NDE1: variants seen among roughly 807,000 people sequenced by gnomAD.
NDE1 encodes nuclear distribution protein nudE homolog 1.
Under a neutral mutation model 43.4 loss-of-function variants are expected in NDE1, and 28 were observed. The observed-to-expected ratio is 0.65, with a 90% CI of 0.48 to 0.89. The LOEUF is 0.89. NDE1 is among the 40% of genes least tolerant of loss of function. NDE1 has a pLI of 0.00. For missense variants in NDE1, 441 were observed against 434.1 expected, an observed-to-expected ratio of 1.02 and a Z score of -0.14; for synonymous variants, 184 against 172.0, an observed-to-expected ratio of 1.07 and a Z score of -0.55.
intron 1 of NDE1, 80 bp from the exon 2 acceptor site, chr16:15,664,656 A>G (rs2037211067): frequency 5.0e-6 from 4 of 792,598 alleles, no homozygotes; most frequent in African/African-American, 1.8e-5. Flanking sequence ...CGCCTGGCCA[A>G]GTTTTTTTTT....
intron 8 of NDE1, chr16:15,699,762 T>A (rs1567663581): frequency 7.4e-7 from 1 of 1,351,600 alleles, no homozygotes; most frequent in South Asian, 1.1e-5. Flanking sequence ...GGAAGCCGCC[T>A]TCACACATGT....
At chr16:15,722,317 G>A (rs895813344) in intron 8 of NDE1, among the ~76,000 whole-genome samples, 1 of 152,228 alleles carries the variant, frequency 6.6e-6, no homozygotes, top group Non-Finnish European at 1.5e-5. Flanking sequence ...GCCTCAGTAG[G>A]GAAATGGTAA....
chr16:15,687,296 T>A, intron 4 of NDE1, 79 bp from the exon 5 acceptor site: 1 of 1,609,278 alleles, frequency 6.2e-7, no homozygotes, highest in Admixed American at 1.7e-5. Flanking sequence ...TGTCTGACCC[T>A]TCGCACCTCC....
At chr16:15,675,463 GT>G (rs2037820299) in intron 3 of NDE1, among the ~76,000 whole-genome samples, 3 of 150,220 alleles carry the variant, frequency 2.0e-5, no homozygotes, top group Admixed American at 6.7e-5. Context: ...AAGTGTCGTG[GT>G]CTCACTCTGT....
chr16:15,723,248 T>A (rs1047409524), intron 8 of NDE1, among the ~76,000 whole-genome samples: 4 of 152,186 alleles, frequency 2.6e-5, no homozygotes, highest in African/African-American at 9.7e-5. Context: ...AAACTCTAAT[T>A]AATATGCAAT....
chr16:15,697,352 ATTT>A (rs2039061917), intron 8 of NDE1, among the ~76,000 whole-genome samples: 1 of 152,106 alleles, frequency 6.6e-6, no homozygotes, highest in Non-Finnish European at 1.5e-5. Flanking sequence ...CAAGAAGGTC[ATTT>A]TTATCATTTG....
chr16:15,662,500 G>T (rs535798577), intron 1 of NDE1, among the ~76,000 whole-genome samples: 2 of 150,522 alleles, frequency 1.3e-5, no homozygotes, highest in African/African-American at 2.4e-5. Context: ...AGACAGGATG[G>T]TCTCAATCTC....
At chr16:15,706,554 T>G (rs2039467205) in intron 8 of NDE1, among the ~76,000 whole-genome samples, 1 of 151,970 alleles carries the variant, frequency 6.6e-6, no homozygotes, top group African/African-American at 2.4e-5. Flanking sequence ...CTAAATATAC[T>G]AAATTAGCCG....
intron 1 of NDE1, among the ~76,000 whole-genome samples, chr16:15,661,545 G>A (rs1318941930): frequency 6.6e-6 from 1 of 150,968 alleles, no homozygotes; most frequent in East Asian, 2.0e-4. Flanking sequence ...CTGCAGCCTC[G>A]ACCTCTCCTT....
Position 15,725,146 on chromosome 16 carries a change from AAAAC to A in NDE1, c.*897_*900del. 3.8e-5 allele frequency: 25 copies of A among 661,066 alleles called. No individual in the cohort carries two copies. The highest frequency in any genetic ancestry group is 2.6e-4 in the African/African-American group (14 of 54,018). 41.0% of individuals were successfully genotyped at this position (661,066 alleles called of 1,614,324 possible). A position where few individuals can be genotyped will look rare whatever the true frequency, so the allele number is the denominator to read the frequency against. Reference sequence around the variant, plus strand: ...TATGGGACTCTGATAAAAAAAAAAAAAAACACACACACACACAAAAAAAACAGAA... The same window carrying A: ...TATGGGACTCTGATAAAAAAAAAAAAACACACACACACAAAAAAAACAGAA... On this transcript the variant is annotated 3_prime_UTR_variant, in exon 9 of 9. Coordinates refer to ENST00000396354, the MANE Select transcript of NDE1 (RefSeq NM_017668.3).
At position 15,667,450 on chromosome 16, in the gene NDE1, G is replaced by A; in HGVS notation, c.237+11G>A. ...CTGGAAACCATCAAGGTGAGGGGCT[G>A]AGAGGAAGTGTGCTCAGGTGTAGAC... On this transcript the variant is annotated intron_variant, in intron 3 of 8. Coordinates refer to ENST00000396354, the MANE Select transcript of NDE1 (RefSeq NM_017668.3). The A allele has an allele frequency of 6.2e-7, 1 of 1,613,524 alleles. No individual in the cohort carries two copies. Among genetic ancestry groups the A allele is most frequent in the Non-Finnish European group, 8.5e-7 (1 of 1,179,814 alleles).
chr16:15,691,578 C>T (rs775725478), intron 6 of NDE1, among the ~76,000 whole-genome samples: 1 of 151,624 alleles, frequency 6.6e-6, no homozygotes, highest in African/African-American at 2.4e-5. Flanking sequence ...TCTGCAGCTA[C>T]GAGGATTGGC....
chr16:15,670,681 A>G (rs113561862), intron 3 of NDE1, among the ~76,000 whole-genome samples: 3 of 142,670 alleles, frequency 2.1e-5, no homozygotes, highest in African/African-American at 9.1e-5. Flanking sequence ...AAGAAAGAAA[A>G]AGAAAGGACT....
intron 4 of NDE1, chr16:15,687,105 T>C: frequency 7.5e-7 from 1 of 1,326,164 alleles, no homozygotes; most frequent in Non-Finnish European, 9.7e-7. Flanking sequence ...GATAGGGCTT[T>C]GGCTTATTGC....
chr16:15,665,601 G>A (rs938941743), intron 2 of NDE1, among the ~76,000 whole-genome samples: 4 of 151,502 alleles, frequency 2.6e-5, no homozygotes, highest in African/African-American at 9.7e-5. Flanking sequence ...CCACCACCAC[G>A]CCTGGCTAAT....
chr16:15,664,877 C>A lies in NDE1; in HGVS notation c.83+16C>A. On this transcript the variant is annotated intron_variant, in intron 2 of 8. Transcript: ENST00000396354. The stretch of plus-strand genomic sequence containing the variant: ...ACAAACAGAGGTCAGTCCGAGTTCA[C>A]CTGCTTTTCCTTTTTTTTTTTTTTT... The A allele has an allele frequency of 6.4e-7, 1 of 1,570,116 alleles. No homozygotes were observed. The highest frequency in any genetic ancestry group is 8.7e-7 in the Non-Finnish European group (1 of 1,149,158).
chr16:15,702,780 G>A (rs1461722762), intron 8 of NDE1, among the ~76,000 whole-genome samples: 2 of 152,028 alleles, frequency 1.3e-5, no homozygotes, highest in Non-Finnish European at 2.9e-5. Context: ...AAAAATCAAG[G>A]AAATCCTGTA....
chr16:15,647,444 C>G (rs2036352847), upstream of NDE1, among the ~76,000 whole-genome samples: 1 of 152,126 alleles, frequency 6.6e-6, no homozygotes, highest in Non-Finnish European at 1.5e-5. Flanking sequence ...ATTTTCTTAT[C>G]TTTAACATGG....
chr16:15,653,706 CAAAA>C (rs755713367), intron 1 of NDE1, among the ~76,000 whole-genome samples: 1 of 118,948 alleles, frequency 8.4e-6, no homozygotes, highest in Admixed American at 8.5e-5. Flanking sequence ...GTAAAACATG[CAAAA>C]AAAAAAAAAG....
Sources: allele counts gnomAD v4.1 joint callset (sites outside exome capture counted in the v4.1 genomes callset), GRCh38; gene constraint gnomAD v4.1.1; transcripts MANE v1.5; gene names NCBI Gene and HGNC (gene_info 2026-07-23, HGNC 2026-07-21).